GPD2: variants seen among roughly 807,000 people sequenced by gnomAD.
GPD2 encodes glycerol-3-phosphate dehydrogenase 2.
In GPD2, 54 loss-of-function variants were observed where a neutral mutation model predicts 82.4. The ratio of observed to expected loss-of-function variants is 0.66; its 90% confidence interval spans 0.53 to 0.82. GPD2 has a LOEUF of 0.82. Ranked by LOEUF, GPD2 falls within the 40% of genes least tolerant of loss-of-function variation. The pLI, the probability that GPD2 is intolerant of heterozygous loss-of-function variation, is 0.00. For synonymous variants in GPD2, 288 were observed against 306.1 expected, an observed-to-expected ratio of 0.94 and a Z score of 0.62; for missense variants, 748 against 896.2, an observed-to-expected ratio of 0.83 and a Z score of 2.11.
At chr2:156,550,271 C>A (rs906521915) in intron 7 of GPD2, among the ~76,000 whole-genome samples, 1 of 152,228 alleles carries the variant, frequency 6.6e-6, no homozygotes, top group Non-Finnish European at 1.5e-5. Flanking sequence ...CAGTGCTGCT[C>A]ACACATTTGA....
At chr2:156,511,500 G>A (rs1684996710) in intron 4 of GPD2, among the ~76,000 whole-genome samples, 1 of 152,176 alleles carries the variant, frequency 6.6e-6, no homozygotes, top group Non-Finnish European at 1.5e-5. Context: ...GAAAAACACA[G>A]TGGCACTGGC....
intron 1 of GPD2, among the ~76,000 whole-genome samples, chr2:156,471,996 A>G (rs1158955343): frequency 6.6e-6 from 1 of 152,226 alleles, no homozygotes; most frequent in African/African-American, 2.4e-5. Context: ...CTGAGTAAGC[A>G]TATATGTGAT....
chr2:156,463,267 C>T (rs1683048433), intron 1 of GPD2, among the ~76,000 whole-genome samples: 1 of 151,846 alleles, frequency 6.6e-6, no homozygotes, highest in Admixed American at 6.6e-5. Context: ...TATTTTAATC[C>T]AAAAGAATAC....
At chr2:156,487,081 A>G (rs1683972425) in intron 2 of GPD2, among the ~76,000 whole-genome samples, 1 of 152,170 alleles carries the variant, frequency 6.6e-6, no homozygotes, top group African/African-American at 2.4e-5. Flanking sequence ...CAAGGCGGGC[A>G]GATCACCTGC....
chr2:156,510,694 G>A (rs1684962567), intron 3 of GPD2, 102 bp from the exon 4 acceptor site: 4 of 896,768 alleles, frequency 4.5e-6, no homozygotes, highest in South Asian at 4.1e-5. Context: ...CATGTTCAGA[G>A]TAATTTTTCT....
chr2:156,488,445 C>A (rs77520318), intron 2 of GPD2, among the ~76,000 whole-genome samples: 21 of 152,218 alleles, frequency 1.4e-4, no homozygotes, highest in African/African-American at 5.1e-4. Flanking sequence ...CGGTTGCAGT[C>A]TGAGGTGATT....
chr2:156,464,098 A>G (rs1281863224), intron 1 of GPD2, among the ~76,000 whole-genome samples: 5 of 152,208 alleles, frequency 3.3e-5, no homozygotes, highest in African/African-American at 1.2e-4. Context: ...AGCTTTCCTC[A>G]TTATTTTTGC....
the GPD2 span, among the ~76,000 whole-genome samples, chr2:156,418,471 T>C: frequency 1.3e-5 from 2 of 152,126 alleles, no homozygotes; most frequent in Non-Finnish European, 2.9e-5. Flanking sequence ...GAGTGGTATG[T>C]ATAAATGTTG....
intron 1 of GPD2, among the ~76,000 whole-genome samples, chr2:156,457,509 AG>A (rs1682827523): frequency 6.6e-6 from 1 of 152,222 alleles, no homozygotes; most frequent in Non-Finnish European, 1.5e-5. Context: ...TATTTTTGAT[AG>A]AACACTCTGA....
chr2:156,531,346 T>C (rs1297693190), intron 6 of GPD2, among the ~76,000 whole-genome samples: 1 of 152,204 alleles, frequency 6.6e-6, no homozygotes, highest in Non-Finnish European at 1.5e-5. Flanking sequence ...TCTCATCCCC[T>C]GAGGTCAGGA....
chr2:156,535,816 C>T (rs1028002558), intron 6 of GPD2, among the ~76,000 whole-genome samples: 3 of 152,210 alleles, frequency 2.0e-5, no homozygotes, highest in African/African-American at 4.8e-5. Flanking sequence ...GTCTTTAAAG[C>T]GGTGTTAGAG....
intron 1 of GPD2, among the ~76,000 whole-genome samples, chr2:156,469,593 A>G (rs958900125): frequency 3.3e-5 from 5 of 152,240 alleles, no homozygotes; most frequent in African/African-American, 9.6e-5. Context: ...TAGTGCTGCA[A>G]TAAACATGGG....
chr2:156,401,467 G>T, the GPD2 span, among the ~76,000 whole-genome samples: 1 of 152,122 alleles, frequency 6.6e-6, no homozygotes, highest in Admixed American at 6.5e-5. Flanking sequence ...GTATGCACAG[G>T]ATTACACAAT....
At chr2:156,579,050 A>G in intron 14 of GPD2, 36 bp from the exon 15 acceptor site, 2 of 1,560,556 alleles carry the variant, frequency 1.3e-6, no homozygotes, top group East Asian at 4.5e-5. Context: ...TGGCCTATGT[A>G]AGTATATTTT....
chr2:156,497,601 C>T (rs1684431868), intron 3 of GPD2, among the ~76,000 whole-genome samples: 1 of 151,978 alleles, frequency 6.6e-6, no homozygotes, highest in Non-Finnish European at 1.5e-5. Context: ...CTTTATGTAC[C>T]TGGCAGAATC....
At chr2:156,463,796 A>G (rs1683066408) in intron 1 of GPD2, among the ~76,000 whole-genome samples, 2 of 152,196 alleles carry the variant, frequency 1.3e-5, no homozygotes, top group African/African-American at 4.8e-5. Flanking sequence ...AAGATCAATG[A>G]CAGCTTCAAA....
rs184594308 is a variant in GPD2 at position 156,499,925 on chromosome 2, T to G, written c.274+3710T>G. 3.9e-5 allele frequency among the ~76,000 whole-genome samples: 6 copies of G among 152,160 alleles called. No homozygotes were observed. The East Asian group carries it at 1.2e-3, about 29-fold the overall frequency. ...GATTTCAAGGAACAACTTAGCAGTT[T>G]ATTACTATTTATTGAACAAATAAAC... On this transcript the variant is annotated intron_variant, in intron 3 of 16. Coordinates refer to ENST00000438166, the MANE Select transcript of GPD2 (RefSeq NM_000408.5).
intron 8 of GPD2, among the ~76,000 whole-genome samples, chr2:156,556,834 A>G (rs1686980678): frequency 6.6e-6 from 1 of 152,206 alleles, no homozygotes; most frequent in African/African-American, 2.4e-5. Flanking sequence ...GTGAAGTGGC[A>G]CAAGTTCATC....
chr2:156,447,882 A>G (rs924540354), intron 1 of GPD2, among the ~76,000 whole-genome samples: 1 of 152,154 alleles, frequency 6.6e-6, no homozygotes, highest in East Asian at 1.9e-4. Context: ...AAGTTCATCA[A>G]TATCCCTGAT....
Sources: allele counts gnomAD v4.1 joint callset (sites outside exome capture counted in the v4.1 genomes callset), GRCh38; gene constraint gnomAD v4.1.1; transcripts MANE v1.5; gene names NCBI Gene and HGNC (gene_info 2026-07-23, HGNC 2026-07-21).